LOC400499: variants seen among roughly 807,000 people sequenced by gnomAD.
chr16:11,447,910 GC>G, the LOC400499 span: 1 of 1,527,966 alleles, frequency 6.5e-7, no homozygotes. Flanking sequence ...AGGGGTGTCA[GC>G]TGAGCAGAAG....
At chr16:11,511,101 A>G in the LOC400499 span, among the ~76,000 whole-genome samples, 11 of 150,744 alleles carry the variant, frequency 7.3e-5, no homozygotes, top group Non-Finnish European at 1.6e-4. Flanking sequence ...GGCTCAGGTG[A>G]TCCTCCCACT....
chr16:11,512,503 G>C, the LOC400499 span, among the ~76,000 whole-genome samples: 1 of 151,932 alleles, frequency 6.6e-6, no homozygotes, highest in Non-Finnish European at 1.5e-5. Flanking sequence ...CTCAGAGGCT[G>C]AGGCAGGAGC....
At chr16:11,415,960 G>GTT in the LOC400499 span, among the ~76,000 whole-genome samples, 12,847 of 146,224 alleles carry the variant, frequency 0.088, 560 homozygotes, top group Middle Eastern at 0.18. Flanking sequence ...TTGTTGTTTT[G>GTT]TTTTTTTTTT....
chr16:11,412,316 C>T, the LOC400499 span, among the ~76,000 whole-genome samples: 5 of 152,174 alleles, frequency 3.3e-5, no homozygotes, highest in African/African-American at 1.2e-4. Context: ...TAGCAGCATC[C>T]GTGGCCTCTA....
chr16:11,503,376 C>T, the LOC400499 span, among the ~76,000 whole-genome samples: 4 of 151,986 alleles, frequency 2.6e-5, no homozygotes, highest in African/African-American at 7.3e-5. Flanking sequence ...GTTTGGAAAA[C>T]CTTCCCTCCT....
the LOC400499 span, chr16:11,390,259 C>A: frequency 8.1e-6 from 10 of 1,232,636 alleles, no homozygotes; most frequent in Non-Finnish European, 1.0e-5. Context: ...GCCAACTACG[C>A]CCCATCCTTG....
the LOC400499 span, chr16:11,439,508 G>C: frequency 2.5e-6 from 1 of 398,988 alleles, no homozygotes; most frequent in Non-Finnish European, 4.4e-6. Context: ...TGGAGGAAAT[G>C]TTGGTCCGTG....
At chr16:11,516,095 T>G in the LOC400499 span, 1 of 399,360 alleles carries the variant, frequency 2.5e-6, no homozygotes, top group Non-Finnish European at 4.4e-6. Context: ...CAGGTCAACC[T>G]TCTGGCCACC....
At chr16:11,490,417 AG>A in the LOC400499 span, among the ~76,000 whole-genome samples, 3 of 149,090 alleles carry the variant, frequency 2.0e-5, no homozygotes, top group Non-Finnish European at 3.0e-5. Context: ...AAAAAAAAAA[AG>A]TCCGGGCGCA....
chr16:11,522,563 C>A, the LOC400499 span, among the ~76,000 whole-genome samples: 1 of 152,326 alleles, frequency 6.6e-6, no homozygotes, highest in South Asian at 2.1e-4. Flanking sequence ...GCCACAATCA[C>A]CCCAGTTGAG....
chr16:11,484,524 G>A, the LOC400499 span, among the ~76,000 whole-genome samples: 1 of 152,188 alleles, frequency 6.6e-6, no homozygotes, highest in Non-Finnish European at 1.5e-5. Context: ...GAAGTCAGAA[G>A]AGTGGTTACT....
the LOC400499 span, chr16:11,391,700 C>T: frequency 3.2e-6 from 4 of 1,232,094 alleles, no homozygotes; most frequent in African/African-American, 6.2e-5. Context: ...CCAGCCCCAC[C>T]TGCAGCCACT....
chr16:11,387,100 G>A, the LOC400499 span: 35 of 1,232,368 alleles, frequency 2.8e-5, no homozygotes, highest in Non-Finnish European at 3.5e-5. Context: ...ACAGCCCGGG[G>A]CAGGACTCAC....
chr16:11,457,570 G>A, the LOC400499 span, among the ~76,000 whole-genome samples: 1 of 146,136 alleles, frequency 6.8e-6, no homozygotes, highest in African/African-American at 2.6e-5. Context: ...TCCAGCCTGG[G>A]CACAGGGCCA....
At chr16:11,501,095 G>A in the LOC400499 span, 1 of 351,488 alleles carries the variant, frequency 2.8e-6, no homozygotes, top group Non-Finnish European at 4.9e-6. Flanking sequence ...CACCTTGGGA[G>A]GGGCTGACCC....
At chr16:11,428,722 G>A in the LOC400499 span, among the ~76,000 whole-genome samples, 1 of 152,142 alleles carries the variant, frequency 6.6e-6, no homozygotes, top group South Asian at 2.1e-4. Flanking sequence ...AACCTCCTGG[G>A]AACGCAGCCC....
the LOC400499 span, among the ~76,000 whole-genome samples, chr16:11,518,110 C>T: frequency 1.1e-4 from 16 of 152,256 alleles, no homozygotes; most frequent in African/African-American, 2.9e-4. Flanking sequence ...CCCCTGGCCC[C>T]GCTGACTTAG....
At chr16:11,377,271 G>C in the LOC400499 span, among the ~76,000 whole-genome samples, 1 of 152,032 alleles carries the variant, frequency 6.6e-6, no homozygotes, top group Admixed American at 6.5e-5. Flanking sequence ...CAGGATTTTC[G>C]ACAAAGATGA....
chr16:11,379,516 C>G, the LOC400499 span, among the ~76,000 whole-genome samples: 1 of 152,208 alleles, frequency 6.6e-6, no homozygotes, highest in Non-Finnish European at 1.5e-5. Context: ...GTGTAAGTCT[C>G]TCAGTCTTCT....
Sources: gnomAD v4.1 joint callset for allele counts (sites outside exome capture counted in the v4.1 genomes callset) on GRCh38, gnomAD v4.1.1 for gene constraint, MANE v1.5 for transcripts.